Variants in CERKL observed in about 807,000 individuals in gnomAD.
The protein encoded by CERKL is CERK like autophagy regulator.
A neutral mutation model predicts 63.4 loss-of-function variants in CERKL; 61 were observed. The ratio of observed to expected loss-of-function variants is 0.96; its 90% CI spans 0.78 to 1.19. CERKL has a LOEUF of 1.19. CERKL is among the 50% of genes most tolerant of loss of function. The pLI is 0.00. For synonymous variants in CERKL, 250 were observed against 230.5 expected, an observed-to-expected ratio of 1.08 and a Z score of -0.77; for missense variants, 675 against 655.5, an observed-to-expected ratio of 1.03 and a Z score of -0.33.
At chr2:181,646,133 A>C (rs1687661765) in intron 1 of CERKL, among the ~76,000 whole-genome samples, 1 of 152,198 alleles carries the variant, frequency 6.6e-6, no homozygotes, top group South Asian at 2.1e-4. Flanking sequence ...TCGGACAGAG[A>C]AGGATGGCAG....
At chr2:181,642,990 G>C (rs933800233) in intron 1 of CERKL, among the ~76,000 whole-genome samples, 1 of 152,136 alleles carries the variant, frequency 6.6e-6, no homozygotes, top group African/African-American at 2.4e-5. Flanking sequence ...CCCTAAAGCT[G>C]AGTAAGGCGA....
At chr2:181,636,071 C>T (rs1428234866) in intron 1 of CERKL, among the ~76,000 whole-genome samples, 1 of 152,290 alleles carries the variant, frequency 6.6e-6, no homozygotes, top group Admixed American at 6.5e-5. Flanking sequence ...GTTCAACTTA[C>T]AGTCCTTCAG....
intron 1 of CERKL, among the ~76,000 whole-genome samples, chr2:181,625,453 T>G (rs1686650954): frequency 6.6e-6 from 1 of 152,134 alleles, no homozygotes; most frequent in African/African-American, 2.4e-5. Context: ...AGAAATCACC[T>G]CACTTTACAT....
intron 2 of CERKL, among the ~76,000 whole-genome samples, chr2:181,594,375 A>G (rs1685113578): frequency 6.6e-6 from 1 of 152,210 alleles, no homozygotes. Flanking sequence ...TTGCTCAGGT[A>G]CAGTTAGTTT....
intron 2 of CERKL, among the ~76,000 whole-genome samples, chr2:181,594,417 T>C (rs973387302): frequency 6.6e-6 from 1 of 152,166 alleles, no homozygotes; most frequent in African/African-American, 2.4e-5. Flanking sequence ...TATCAGACCT[T>C]GAACTTCAAA....
intron 2 of CERKL, among the ~76,000 whole-genome samples, chr2:181,600,740 AG>A (rs1294999521): frequency 6.6e-6 from 1 of 152,180 alleles, no homozygotes; most frequent in African/African-American, 2.4e-5. Flanking sequence ...GGGGAAAAAA[AG>A]CTATACAATA....
chr2:181,656,845 G>T lies in CERKL; in HGVS notation c.162C>A (p.Ile54=), dbSNP rs568992169. Residue 54 remains isoleucine, a synonymous_variant, in exon 1 of 13, where the codon ATC becomes ATA. Transcript: ENST00000410087. The part of the protein sequence containing the change: ...ERILLRGIFE[I]GRDSCDVVLS... ...GCACCACGTCACAACTGTCCCTCCC[G>T]ATCTCGAAGATGCCCCGGAGCAGAA... 6.2e-6 allele frequency: 10 copies of T among 1,604,784 alleles called. No homozygotes were observed. Among genetic ancestry groups the T allele is most frequent in the Non-Finnish European group, 8.5e-6 (10 of 1,173,926 alleles).
chr2:181,621,019 G>T (rs551980030), intron 1 of CERKL, among the ~76,000 whole-genome samples: 12 of 152,156 alleles, frequency 7.9e-5, no homozygotes, highest in African/African-American at 2.9e-4. Flanking sequence ...CAAGACAAAG[G>T]TCATGTTTAT....
intron 1 of CERKL, among the ~76,000 whole-genome samples, chr2:181,635,353 A>G (rs1574052461): frequency 6.6e-6 from 1 of 152,172 alleles, no homozygotes; most frequent in Non-Finnish European, 1.5e-5. Flanking sequence ...TAACTTTTAG[A>G]GAAATTTATT....
At chr2:181,619,856 A>C (rs1559109375) in intron 1 of CERKL, among the ~76,000 whole-genome samples, 2 of 152,218 alleles carry the variant, frequency 1.3e-5, no homozygotes, top group East Asian at 3.8e-4. Context: ...AAGGTCTTTG[A>C]AAGCCTTTAA....
rs564031947 is a variant in CERKL, at chr2:181,601,968, T to C, written c.481+1869A>G. ...GTAACATTTTCAGAGGATGGTAGAC[T>C]AAAGGATATGTAGTTTATTCATCTC... On this transcript the variant is annotated intron_variant, in intron 2 of 12. Transcript: ENST00000410087. 2.6e-5 allele frequency among the ~76,000 whole-genome samples: 4 copies of C among 152,354 alleles called. No homozygotes were observed. The South Asian group carries it at 8.3e-4, about 32-fold the overall frequency.
intron 11 of CERKL, among the ~76,000 whole-genome samples, chr2:181,541,013 A>G (rs1362472945): frequency 6.6e-6 from 1 of 152,198 alleles, no homozygotes; most frequent in African/African-American, 2.4e-5. Flanking sequence ...AACTACACAG[A>G]ATTCAGTGTG....
At chr2:181,584,947 A>G (rs1198123007) in intron 2 of CERKL, among the ~76,000 whole-genome samples, 1 of 151,432 alleles carries the variant, frequency 6.6e-6, no homozygotes, top group Non-Finnish European at 1.5e-5. Flanking sequence ...CCACTTGAAC[A>G]TGACTTTCTT....
At chr2:181,648,660 T>C (rs1574067742) in intron 1 of CERKL, among the ~76,000 whole-genome samples, 5 of 152,326 alleles carry the variant, frequency 3.3e-5, no homozygotes, top group Admixed American at 3.3e-4. Flanking sequence ...AGTGATATCA[T>C]GTTACTATGT....
chr2:181,626,456 C>A (rs536996133), intron 1 of CERKL, among the ~76,000 whole-genome samples: 3 of 152,252 alleles, frequency 2.0e-5, no homozygotes, highest in Admixed American at 2.0e-4. Context: ...ATGCCACATG[C>A]CTAATTGTAC....
In CERKL at chr2:181,538,897, C is replaced by T. The variant is rs146031366; in HGVS notation, c.1538+195G>A. Among the ~76,000 whole-genome samples the T allele has an allele frequency of 3.8e-3, 572 of 152,266 alleles. 6 individuals carry two copies. The highest frequency in any genetic ancestry group is 0.013 in the African/African-American group (548 of 41,570). On this transcript the variant is annotated intron_variant, in intron 12 of 12. Transcript: ENST00000410087. ...AACCAAAGAAAATGCCTTGGGTCTA[C>T]ATAACAGTTGAATAAATGTAAAGTT...
At chr2:181,598,364 C>A (rs575383367) in intron 2 of CERKL, among the ~76,000 whole-genome samples, 2 of 152,214 alleles carry the variant, frequency 1.3e-5, no homozygotes, top group East Asian at 1.9e-4. Context: ...AGGAAAAAAT[C>A]TTTATGAACT....
chr2:181,538,698 ATGAG>A (rs1252590567), intron 12 of CERKL, among the ~76,000 whole-genome samples: 2 of 152,172 alleles, frequency 1.3e-5, no homozygotes, highest in African/African-American at 4.8e-5. Context: ...TACAGTAATT[ATGAG>A]TGAGAGGAAA....
chr2:181,603,992 A>G lies in CERKL; in HGVS notation c.326T>C (p.Val109Ala). Residue 109 changes from valine (V) to alanine (A), a missense_variant, in exon 2 of 13, where the codon GTT becomes GCT. Physicochemically the swap from Val to Ala is moderately conservative, Grantham distance 64 (BLOSUM62 0). Coordinates refer to ENST00000410087, the MANE Select transcript of CERKL (RefSeq NM_201548.5). ...TAAAGTACCACTTCTCTGCTGTTTA[A>G]CAGAACAACGCCGTTTCAGTTTCAC... ...FSVKLKRRCS[V>A]KQQRSGTLLG... The G allele has an allele frequency of 1.2e-6, 2 of 1,613,378 alleles. No individual in the cohort carries two copies. The highest frequency in any genetic ancestry group is 1.7e-5 in the Admixed American group (1 of 59,984).
Sources: allele counts gnomAD v4.1 joint callset (sites outside exome capture counted in the v4.1 genomes callset), GRCh38; gene constraint gnomAD v4.1.1; transcripts MANE v1.5; gene names NCBI Gene and HGNC (gene_info 2026-07-23, HGNC 2026-07-21).